Variants in AGBL4 observed in about 807,000 individuals in gnomAD.
AGBL4 encodes AGBL carboxypeptidase 4.
In AGBL4, 58 loss-of-function variants were observed where a neutral mutation model predicts 66.4. The ratio of observed to expected loss-of-function variants is 0.87; its 90% CI spans 0.71 to 1.09. The LOEUF (loss-of-function observed/expected upper bound fraction) is 1.09. Among genes scored for constraint, AGBL4 ranks in the 50% least tolerant of loss-of-function variants. The pLI is 0.00. For missense variants in AGBL4, 579 were observed against 631.0 expected (o/e 0.92, Z 0.88); for synonymous variants, 234 against 222.9 (o/e 1.05, Z -0.44).
intron 2 of AGBL4, among the ~76,000 whole-genome samples, chr1:49,724,773 A>G (rs1409242454): frequency 6.6e-6 from 1 of 152,086 alleles, no homozygotes; most frequent in Non-Finnish European, 1.5e-5. Flanking sequence ...AAAGATATAT[A>G]TATATATCTG....
chr1:49,648,197 T>G (rs1004735483), intron 3 of AGBL4, among the ~76,000 whole-genome samples: 1 of 151,902 alleles, frequency 6.6e-6, no homozygotes, highest in Non-Finnish European at 1.5e-5. Flanking sequence ...TTCTAGGGAT[T>G]TAAACACTAT....
rs561199482 is a variant in AGBL4 at position 49,160,687 on chromosome 1, T to C, written c.377+85083A>G. On this transcript the variant is annotated intron_variant, in intron 4 of 13. Transcript: ENST00000371839. The stretch of plus-strand genomic sequence containing the variant: ...CCCCAGGTGCTCTTTCCCAGGGAGA[T>C]AGGGGTTTTATCTATAAGCCCCTGA... Among the ~76,000 whole-genome samples the C allele has an allele frequency of 2.8e-4, 43 of 152,228 alleles. 1 individual carries two copies. The South Asian group carries it at 5.2e-3, about 18-fold the overall frequency.
At chr1:49,533,530 TGACTA>T (rs1464888881) in intron 3 of AGBL4, among the ~76,000 whole-genome samples, 2 of 152,140 alleles carry the variant, frequency 1.3e-5, no homozygotes, top group Non-Finnish European at 2.9e-5. Context: ...CTGAATCAGA[TGACTA>T]CTCAGGTCTC....
rs933050089 is a variant in AGBL4 at position 49,882,136 on chromosome 1, A to T, written c.35-30618T>A. 1.6e-4 allele frequency among the ~76,000 whole-genome samples: 24 copies of T among 152,052 alleles called. No individual in the cohort carries two copies. In the East Asian group the frequency reaches 2.5e-3, roughly 16 times the overall value. Reference sequence around the variant, plus strand: ...GCCAGTTTTCCAAGCACCATTTATTAAATAGGGAATCCTTTCCCCATTGCT... The same window carrying T: ...GCCAGTTTTCCAAGCACCATTTATTTAATAGGGAATCCTTTCCCCATTGCT... On this transcript the variant is annotated intron_variant, in intron 1 of 13. Coordinates refer to ENST00000371839, the MANE Select transcript of AGBL4 (RefSeq NM_032785.4).
At position 48,572,699 on chromosome 1, in the gene AGBL4, G is replaced by A. The variant is rs76037580; in HGVS notation, c.1267+14305C>T. ...CCTGGGAGAACTGAAGGGGGGGTGC[G>A]TCTCCTGTCTCCAGCCCCACAAAGA... On this transcript the variant is annotated intron_variant, in intron 11 of 13. Coordinates refer to ENST00000371839, the MANE Select transcript of AGBL4 (RefSeq NM_032785.4). Among the ~76,000 whole-genome samples the A allele has an allele frequency of 5.2e-3, 786 of 152,228 alleles. 14 individuals carry two copies. Among genetic ancestry groups the A allele is most frequent in the African/African-American group, 0.018 (751 of 41,538 alleles).
intron 4 of AGBL4, among the ~76,000 whole-genome samples, chr1:49,063,170 T>C (rs1224019186): frequency 6.6e-6 from 1 of 152,178 alleles, no homozygotes; most frequent in East Asian, 1.9e-4. Flanking sequence ...AAGACTTTCT[T>C]TGCAATCTAT....
At chr1:49,667,156 G>A (rs1646387415) in intron 3 of AGBL4, among the ~76,000 whole-genome samples, 1 of 151,956 alleles carries the variant, frequency 6.6e-6, no homozygotes, top group Non-Finnish European at 1.5e-5. Context: ...TACATATATT[G>A]TCTACATATA....
intron 1 of AGBL4, among the ~76,000 whole-genome samples, chr1:49,898,621 C>A (rs114344350): frequency 1.1e-4 from 16 of 151,814 alleles, no homozygotes; most frequent in Admixed American, 1.0e-3. Flanking sequence ...TAGGCATATA[C>A]GCAAAGGAAA....
chr1:49,368,335 C>G (rs528287420), intron 3 of AGBL4, among the ~76,000 whole-genome samples: 3 of 152,254 alleles, frequency 2.0e-5, no homozygotes, highest in Admixed American at 2.0e-4. Flanking sequence ...AACAACTAAA[C>G]TGTTTTCTAT....
In AGBL4 at chr1:48,649,553, T is replaced by C. The variant is rs569502328; in HGVS notation, c.839+3784A>G. Among the ~76,000 whole-genome samples, 154 of 152,346 alleles carry C rather than the reference T, an allele frequency of 1.0e-3. No individual in the cohort carries two copies. In the Middle Eastern group the frequency reaches 0.01, roughly 10 times the overall value. On this transcript the variant is annotated intron_variant, in intron 8 of 13. Transcript: ENST00000371839. ...AACCATAGTCTGGTATCATATACAG[T>C]AGTCTAGTTAGAAAATGTTGCTGTT...
At position 49,377,762 on chromosome 1, in the gene AGBL4, G is replaced by A. The variant is rs147669377; in HGVS notation, c.283-131898C>T. 3.6e-3 allele frequency among the ~76,000 whole-genome samples: 553 copies of A among 152,124 alleles called. 1 individual carries two copies. The highest frequency in any genetic ancestry group is 0.012 in the African/African-American group (515 of 41,520). On this transcript the variant is annotated intron_variant, in intron 3 of 13. Coordinates refer to ENST00000371839, the MANE Select transcript of AGBL4 (RefSeq NM_032785.4). ...GCCAGGCGCATACAGCATGAATTTC[G>A]TTACTGGTGAGAATCCTGAGCTAAG...
intron 4 of AGBL4, among the ~76,000 whole-genome samples, chr1:49,208,831 A>G (rs1014498217): frequency 3.3e-5 from 5 of 152,102 alleles, no homozygotes; most frequent in African/African-American, 9.7e-5. Flanking sequence ...ATTATTCGTG[A>G]TATGTCAGAA....
At chr1:49,542,896 CAAAAAAAAAAAAAA>C (rs35734647) in intron 3 of AGBL4, among the ~76,000 whole-genome samples, 3 of 22,890 alleles carry the variant, frequency 1.3e-4, no homozygotes, top group Admixed American at 1.6e-3. Context: ...AAGACTCCAT[CAAAAAAAAAAAAAA>C]AAAAAAAAAA....
intron 3 of AGBL4, among the ~76,000 whole-genome samples, chr1:49,305,183 A>G (rs1019273189): frequency 1.3e-5 from 2 of 152,152 alleles, no homozygotes; most frequent in African/African-American, 2.4e-5. Context: ...TTTTGTTTTG[A>G]TTTCTGGTAT....
chr1:48,971,231 G>C (rs1658875981), intron 5 of AGBL4, among the ~76,000 whole-genome samples: 1 of 152,136 alleles, frequency 6.6e-6, no homozygotes, highest in Non-Finnish European at 1.5e-5. Flanking sequence ...TGTCAGATCA[G>C]CGGCAGCATT....
chr1:48,545,565 G>C (rs1306532414), intron 11 of AGBL4, among the ~76,000 whole-genome samples: 2 of 152,194 alleles, frequency 1.3e-5, no homozygotes, highest in Non-Finnish European at 2.9e-5. Flanking sequence ...AATTGGGGGT[G>C]AAAACTCCCA....
chr1:48,716,893 A>T (rs1647060163), intron 6 of AGBL4, among the ~76,000 whole-genome samples: 1 of 152,226 alleles, frequency 6.6e-6, no homozygotes, highest in Admixed American at 6.5e-5. Context: ...CTAGTCAGGA[A>T]GACAGGTAAG....
In AGBL4 at chr1:49,909,692, T is replaced by G. The variant is rs549886121; in HGVS notation, c.35-58174A>C. 2.6e-5 allele frequency among the ~76,000 whole-genome samples: 4 copies of G among 152,246 alleles called. No individual in the cohort carries two copies. In the South Asian group the frequency reaches 6.2e-4, roughly 24 times the overall value. On this transcript the variant is annotated intron_variant, in intron 1 of 13. Coordinates refer to ENST00000371839, the MANE Select transcript of AGBL4 (RefSeq NM_032785.4). ...GAAGATTTTGAGATGACATATATTT[T>G]TAAAGAATCACTCTGGCTACTACCT...
At chr1:49,839,697 C>A (rs1257973349) in intron 2 of AGBL4, among the ~76,000 whole-genome samples, 1 of 152,050 alleles carries the variant, frequency 6.6e-6, no homozygotes, top group African/African-American at 2.4e-5. Flanking sequence ...TCCAAGGGGA[C>A]CCATGTTGAG....
Sources: allele counts gnomAD v4.1 joint callset (sites outside exome capture counted in the v4.1 genomes callset), GRCh38; gene constraint gnomAD v4.1.1; transcripts MANE v1.5; gene names NCBI Gene and HGNC (gene_info 2026-07-23, HGNC 2026-07-21).